NAV1: variants seen among roughly 807,000 people sequenced by gnomAD.
NAV1 encodes neuron navigator 1.
Under a neutral mutation model 175.2 loss-of-function variants are expected in NAV1, and 18 were observed. That is an observed-to-expected ratio of 0.10 (90% confidence interval 0.07 to 0.15). NAV1 has a LOEUF of 0.15. Ranked by LOEUF, NAV1 falls within the 10% of genes least tolerant of loss-of-function variation. The probability of loss-of-function intolerance (pLI) is 1.00; values close to 1 mark genes in which losing one functional copy is unlikely to be tolerated. For missense variants in NAV1, 1,731 were observed against 2,436.6 expected (o/e 0.71, Z 6.10); for synonymous variants, 897 against 978.7 (o/e 0.92, Z 1.56).
intron 3 of NAV1, among the ~76,000 whole-genome samples, chr1:201,758,058 C>T (rs2102623569): frequency 6.6e-6 from 1 of 152,238 alleles, no homozygotes. Context: ...TTTTTCTTGT[C>T]CTCACCATGA....
intron 1 of NAV1, among the ~76,000 whole-genome samples, chr1:201,677,250 C>CAAAAAAAA (rs3053786): frequency 1.8e-5 from 2 of 110,704 alleles, no homozygotes; most frequent in Admixed American, 1.0e-4. Context: ...GACTCCATCT[C>CAAAAAAAA]AAAAAAAAAA....
chr1:201,586,042 C>T (rs1667017540), intron 1 of NAV1, among the ~76,000 whole-genome samples: 2 of 152,178 alleles, frequency 1.3e-5, no homozygotes, highest in Admixed American at 6.5e-5. Flanking sequence ...ACATTATTCA[C>T]CATAGCCAAA....
intron 1 of NAV1, among the ~76,000 whole-genome samples, chr1:201,566,582 C>T (rs1050648337): frequency 2.6e-5 from 4 of 152,164 alleles, no homozygotes; most frequent in Non-Finnish European, 2.9e-5. Context: ...CCTGCCCACT[C>T]ACAACACACA....
intron 1 of NAV1, among the ~76,000 whole-genome samples, chr1:201,574,396 T>C (rs1417332016): frequency 6.6e-6 from 1 of 151,664 alleles, no homozygotes; most frequent in Non-Finnish European, 1.5e-5. Context: ...TTGGGTCGAG[T>C]GGTTGTTAGC....
intron 1 of NAV1, among the ~76,000 whole-genome samples, chr1:201,544,509 C>G (rs912250883): frequency 6.6e-6 from 1 of 152,206 alleles, no homozygotes; most frequent in Non-Finnish European, 1.5e-5. Context: ...AAACATCCCC[C>G]TCAGAGGTCA....
At chr1:201,739,862 T>TG (rs1400547104) in intron 3 of NAV1, 1 of 1,278,026 alleles carries the variant, frequency 7.8e-7, no homozygotes, top group Admixed American at 4.2e-5. Flanking sequence ...CAAGCCCTGG[T>TG]GGTGGGGAGA....
chr1:201,765,389 TTTTTTTTTTTTTTTC>T (rs1558139948), intron 3 of NAV1, among the ~76,000 whole-genome samples: 23 of 148,558 alleles, frequency 1.5e-4, no homozygotes, highest in Admixed American at 1.5e-3. Context: ...TTCTTTTTTT[TTTTTTTTTTTTTTTC>T]TTTTTTTTGA....
At chr1:201,627,212 G>A (rs1296273717) in intron 1 of NAV1, among the ~76,000 whole-genome samples, 2 of 151,922 alleles carry the variant, frequency 1.3e-5, no homozygotes, top group African/African-American at 2.4e-5. Flanking sequence ...CTCCTGCCTC[G>A]GCCTTCCAAA....
chr1:201,812,823 CAGTT>C lies in NAV1; in HGVS notation c.5221+165_5221+168del, dbSNP rs1230964121. Among the ~76,000 whole-genome samples the C allele has an allele frequency of 1.3e-5, 2 of 152,162 alleles. No individual in the cohort carries two copies. Among genetic ancestry groups the C allele is most frequent in the Admixed American group, 6.6e-5 (1 of 15,262 alleles). ...AACCACTTAACGAGCCTTCCCAACA[CAGTT>C]AGCACCACTTCAATCACCAGAAAGC... is the stretch of plus-strand genomic sequence containing the variant. On this transcript the variant is annotated intron_variant, in intron 27 of 29. Coordinates refer to ENST00000367296, the Ensembl canonical transcript of NAV1. The surrounding 1 kb of genome is among the most constrained non-coding windows in gnomAD (Gnocchi z 4.6).
chr1:201,544,505 C>T (rs1665611167), intron 1 of NAV1, among the ~76,000 whole-genome samples: 1 of 152,180 alleles, frequency 6.6e-6, no homozygotes, highest in Non-Finnish European at 1.5e-5. Flanking sequence ...CCTAAAACAT[C>T]CCCCTCAGAG....
intron 8 of NAV1, 125 bp from the exon 13 acceptor site, chr1:201,786,304 C>T: frequency 2.0e-6 from 2 of 1,005,446 alleles, no homozygotes; most frequent in East Asian, 2.5e-5. Flanking sequence ...CTGACCACTC[C>T]CTCTTTTCCA....
exon 1 of NAV1, chr1:201,648,939 C>T: frequency 6.2e-7 from 1 of 1,613,032 alleles, no homozygotes; most frequent in Non-Finnish European, 8.5e-7. Context: ...GCAGAAGTCA[C>T]TCACCAACCT....
exon 7 of NAV1, chr1:201,783,632 C>T (rs1024613832): frequency 1.9e-6 from 3 of 1,614,098 alleles, no homozygotes; most frequent in African/African-American, 1.3e-5. Context: ...GGGCCTGGAG[C>T]TAATGAGTGG....
intron 3 of NAV1, among the ~76,000 whole-genome samples, chr1:201,778,055 C>T (rs567138187): frequency 1.4e-4 from 21 of 152,298 alleles, no homozygotes; most frequent in Middle Eastern, 6.8e-3. Flanking sequence ...TTCTTCAGAA[C>T]TTGCAAAAGA....
At chr1:201,552,058 A>G (rs1359415681) in intron 1 of NAV1, among the ~76,000 whole-genome samples, 2 of 152,152 alleles carry the variant, frequency 1.3e-5, no homozygotes, top group Non-Finnish European at 2.9e-5. Context: ...CTAGAAAGTG[A>G]CCACAGAGTT....
At chr1:201,796,735 T>C (rs1235239721) in intron 15 of NAV1, 2 of 152,256 alleles carry the variant, frequency 1.3e-5, no homozygotes, top group African/African-American at 2.4e-5. Flanking sequence ...ATATTCTTAA[T>C]GGCTAATACC....
rs1676992161 is a variant in NAV1 at position 201,789,816 on chromosome 1, C to T, written c.3219+24C>T. Reference sequence around the variant, plus strand: ...CAGTAAGAGCATTAACTTCTCTTCCCCTCTCATCCCCTCCCCTCTACCATC... The same window carrying T: ...CAGTAAGAGCATTAACTTCTCTTCCTCTCTCATCCCCTCCCCTCTACCATC... On this transcript the variant is annotated intron_variant, in intron 11 of 29. Transcript: ENST00000367296. The T allele has an allele frequency of 5.0e-6, 8 of 1,603,618 alleles. No homozygotes were observed. In the East Asian group the frequency reaches 1.8e-4, roughly 36 times the overall value.
chr1:201,793,068 A>G (rs1051454105), intron 13 of NAV1: 1 of 152,188 alleles, frequency 6.6e-6, no homozygotes, highest in African/African-American at 2.4e-5. Context: ...TTGCCTATAC[A>G]TCTTGCAGCC....
chr1:201,608,264 A>G (rs1306433511), intron 2 of NAV1, among the ~76,000 whole-genome samples: 1 of 152,154 alleles, frequency 6.6e-6, no homozygotes, highest in Non-Finnish European at 1.5e-5. Flanking sequence ...TTCTGAACAG[A>G]ACTCCCCCAA....
Sources: gnomAD v4.1 joint callset for allele counts (sites outside exome capture counted in the v4.1 genomes callset) on GRCh38, gnomAD v4.1.1 for gene constraint, Gnocchi (gnomAD v3.1) non-coding constraint, MANE v1.5 for transcripts, NCBI Gene and HGNC (gene_info 2026-07-23, HGNC 2026-07-21) for gene names.